The following MYO15A variants were observed in gnomAD, a reference collection of about 807,000 sequenced individuals.
MYO15A encodes unconventional myosin-XV.
MYO15A carries 308 observed loss-of-function variants against 394.6 expected under a neutral mutation model. The ratio of observed to expected loss-of-function variants is 0.78; its 90% CI spans 0.71 to 0.86. The LOEUF is 0.86. Ranked by LOEUF, MYO15A falls within the 40% of genes least tolerant of loss-of-function variation. The pLI, the probability that MYO15A is intolerant of heterozygous loss-of-function variation, is 0.00. For synonymous variants in MYO15A, 1,957 were observed against 2,003.8 expected (o/e 0.98, Z 0.62); for missense variants, 4,606 against 4,799.1 (o/e 0.96, Z 1.19).
At chr17:18,144,689 A>C in intron 29 of MYO15A, 97 bp downstream of exon 29, 1 of 1,146,228 alleles carries the variant, frequency 8.7e-7, no homozygotes, top group Non-Finnish European at 1.3e-6. Context: ...CCCAAGCCCA[A>C]CCCATGAGCC....
intron 65 of MYO15A, among the ~76,000 whole-genome samples, chr17:18,174,670 C>T (rs545274774): frequency 6.6e-6 from 1 of 152,174 alleles, no homozygotes; most frequent in Non-Finnish European, 1.5e-5. Flanking sequence ...CTCACACCCC[C>T]CTGGGGTCAG....
At chr17:18,160,157 G>T in intron 56 of MYO15A, 140 bp downstream of exon 56, 2 of 816,762 alleles carry the variant, frequency 2.4e-6, no homozygotes, top group Non-Finnish European at 4.1e-6. Context: ...AATAGAGCAC[G>T]TTTTTTGGAA....
chr17:18,153,637 G>T lies in MYO15A; in HGVS notation c.7967-138G>T. On this transcript the variant is annotated intron_variant, in intron 42 of 65. Coordinates refer to ENST00000647165, the MANE Select transcript of MYO15A (RefSeq NM_016239.4). The surrounding 1 kb of genome is among the most constrained non-coding windows in gnomAD (Gnocchi z 4.1). ...CGCTTGAACCCAGGAGGCGGAGCTTGCAGTGGGCCGAGATTGCGCCACTGC... is the reference window on the plus strand; with the variant it reads ...CGCTTGAACCCAGGAGGCGGAGCTTTCAGTGGGCCGAGATTGCGCCACTGC... The T allele has an allele frequency of 1.2e-6, 1 of 865,236 alleles. No individual in the cohort carries two copies. The highest frequency in any genetic ancestry group is 3.0e-5 in the South Asian group (1 of 33,084). The allele number at this position is 865,236 out of a possible 1,614,324, so 53.6% of individuals were successfully genotyped here. A position where few individuals can be genotyped will look rare whatever the true frequency, so the allele number is the denominator to read the frequency against.
chr17:18,155,527 A>G, intron 47 of MYO15A, 95 bp downstream of exon 47: 2 of 1,160,774 alleles, frequency 1.7e-6, no homozygotes, highest in Non-Finnish European at 1.3e-6. Context: ...CCAAGTACCC[A>G]TGATGCGCCA....
intron 28 of MYO15A, 96 bp downstream of exon 28, chr17:18,144,096 C>G: frequency 1.3e-6 from 2 of 1,568,408 alleles, no homozygotes; most frequent in South Asian, 2.3e-5. Context: ...CCTGGCTGTG[C>G]CCTGTGGTGT....
rs762564082 is a variant in MYO15A at position 18,142,811 on chromosome 17, G to A, written c.5881G>A (p.Ala1961Thr). ...SLVKFRSLVH[A>T]YVSRRRYLKL... ...GGTGAAGTTCCGGTCCCTGGTACACGCATACGTGAGCCGCCGACGCTATCT... is the reference window on the plus strand; with the variant it reads ...GGTGAAGTTCCGGTCCCTGGTACACACATACGTGAGCCGCCGACGCTATCT... Residue 1961 changes from alanine to threonine, a missense_variant, in exon 25 of 66, where the codon GCA (alanine) becomes ACA (threonine). Transcript: ENST00000647165. 5 of 1,613,266 alleles carry A rather than the reference G, an allele frequency of 3.1e-6. No homozygotes were observed. The highest frequency in any genetic ancestry group is 4.2e-6 in the Non-Finnish European group (5 of 1,179,812).
At position 18,121,039 on chromosome 17, in the gene MYO15A, G is replaced by T. The variant is rs1241967859; in HGVS notation, c.2239G>T (p.Gly747Cys). The change falls in exon 2 of 66, where the codon GGC becomes TGC. Residue 747 changes from glycine to cysteine, a missense_variant. Coordinates refer to ENST00000647165, the MANE Select transcript of MYO15A (RefSeq NM_016239.4). The surrounding 1 kb of genome is among the most constrained non-coding windows in gnomAD (Gnocchi z 5.3). The stretch of plus-strand genomic sequence containing the variant: ...CCCAGGGCCCCGACCCTCGTTCAGG[G>T]GCTCCCGCCGGAGAGGGGCGGCTTT... ...AFPGPRPSFR[G>C]SRRRGAAFGF... 7.3e-6 allele frequency: 11 copies of T among 1,509,326 alleles called. No individual in the cohort carries two copies. The highest frequency in any genetic ancestry group is 9.7e-6 in the Non-Finnish European group (11 of 1,133,648). The allele number at this position is 1,509,326 out of a possible 1,614,324, so 93.5% of individuals were successfully genotyped here.
intron 60 of MYO15A, among the ~76,000 whole-genome samples, chr17:18,165,630 G>T (rs535752641): frequency 6.6e-6 from 1 of 152,330 alleles, no homozygotes; most frequent in Admixed American, 6.5e-5. Flanking sequence ...CACATGTGCA[G>T]AGTGCCTTTT....
intron 19 of MYO15A, 137 bp downstream of exon 19, chr17:18,139,748 C>G: frequency 1.0e-6 from 1 of 999,084 alleles, no homozygotes. Context: ...ACAAGGGTGG[C>G]CTGGACACCC....
At position 18,122,324 on chromosome 17, in the gene MYO15A, A is replaced by T; in HGVS notation, c.3524A>T (p.Gln1175Leu). 1 of 1,612,858 alleles carries T rather than the reference A, an allele frequency of 6.2e-7. No individual in the cohort carries two copies. Among genetic ancestry groups the T allele is most frequent in the Non-Finnish European group, 8.5e-7 (1 of 1,179,954 alleles). ...TGGCCACGAGTACACACCCATCCCC[A>T]GTCCTGCCACCTGGGCCCTGGAGCT... Reference protein sequence around the residue: ...GPWPRVHTHPQSCHLGPGAAC... With the variant: ...GPWPRVHTHPLSCHLGPGAAC... Residue 1175 changes from glutamine to leucine, a missense_variant, in exon 2 of 66, where the codon CAG (glutamine) becomes CTG (leucine). This residue lies in a region of MYO15A where 1,830 missense variants were observed against 1,689.7 expected (regional missense o/e 1.08). Transcript: ENST00000647165.
chr17:18,133,245 A>T lies in MYO15A; in HGVS notation c.4341A>T (p.Ala1447=). The change falls in exon 12 of 66, where the codon GCA becomes GCT. Residue 1447 remains alanine, a synonymous_variant. Coordinates refer to ENST00000647165, the MANE Select transcript of MYO15A (RefSeq NM_016239.4). The part of the protein sequence containing the change: ...YLNQGGNCEI[A]GKSDADDFRR... ...TGCAGGGTGGGAACTGTGAGATAGC[A>T]GGAAAGAGCGATGCAGATGACTTTC... 1 of 1,614,166 alleles carries T rather than the reference A, an allele frequency of 6.2e-7. No homozygotes were observed. Among genetic ancestry groups the T allele is most frequent in the Non-Finnish European group, 8.5e-7 (1 of 1,180,020 alleles).
rs182028641 is a variant in MYO15A at position 18,148,195 on chromosome 17, G to A, written c.6676G>A (p.Val2226Met). ...TYEKASMALD[V>M]GCFNGDQFSC... ...TGAGAAGGCCAGCATGGCGCTGGAC[G>A]TGGGCTGCTTCAATGGTAAGCTGCC... Residue 2226 changes from valine to methionine, a missense_variant, in exon 31 of 66, where the codon GTG becomes ATG. Physicochemically the swap from Val to Met is conservative, Grantham distance 21. Transcript: ENST00000647165. The surrounding 1 kb of genome is among the most constrained non-coding windows in gnomAD (Gnocchi z 4.8). 6.2e-6 allele frequency: 10 copies of A among 1,613,714 alleles called. No homozygotes were observed. The Admixed American group carries it at 6.7e-5, about 11-fold the overall frequency.
At chr17:18,134,554 G>A (rs1432324874) in intron 12 of MYO15A, among the ~76,000 whole-genome samples, 1 of 152,070 alleles carries the variant, frequency 6.6e-6, no homozygotes, top group Non-Finnish European at 1.5e-5. Context: ...TTCCCAGGTG[G>A]TTACTCAATT....
At chr17:18,127,395 C>T (rs1012995163) in intron 7 of MYO15A, among the ~76,000 whole-genome samples, 5 of 152,164 alleles carry the variant, frequency 3.3e-5, no homozygotes, top group African/African-American at 9.7e-5. Context: ...GCTTCCAGCC[C>T]TCCGGGTCCA....
chr17:18,126,457 G>C lies in MYO15A; in HGVS notation c.3866+1G>C. Reference sequence around the variant, plus strand: ...GACGGGCCCTGGGAGAGAATCCCCCGTGAGTGTCTCGGGGGCGCTGCCCTG... The same window carrying C: ...GACGGGCCCTGGGAGAGAATCCCCCCTGAGTGTCTCGGGGGCGCTGCCCTG... On this transcript the variant is annotated splice_donor_variant, in intron 5 of 65. Coordinates refer to ENST00000647165, the MANE Select transcript of MYO15A (RefSeq NM_016239.4). LOFTEE classifies it high-confidence loss of function. 1 of 1,613,614 alleles carries C rather than the reference G, an allele frequency of 6.2e-7. No individual in the cohort carries two copies. Among genetic ancestry groups the C allele is most frequent in the Non-Finnish European group, 8.5e-7 (1 of 1,179,812 alleles).
rs372448192 is a variant in MYO15A at position 18,157,138 on chromosome 17, C to A, written c.8714-18C>A. On this transcript the variant is annotated intron_variant, in intron 49 of 65. Coordinates refer to ENST00000647165, the MANE Select transcript of MYO15A (RefSeq NM_016239.4). Reference sequence around the variant, plus strand: ...AGGGGGCCTCCCTGGCAGATGCTGACCCGAGCCTGGCCCATAGGCTACAGT... The same window carrying A: ...AGGGGGCCTCCCTGGCAGATGCTGAACCGAGCCTGGCCCATAGGCTACAGT... 6.2e-7 allele frequency: 1 copy of A among 1,610,716 alleles called. No homozygotes were observed. Among genetic ancestry groups the A allele is most frequent in the Non-Finnish European group, 8.5e-7 (1 of 1,178,476 alleles).
chr17:18,138,289 T>C, intron 17 of MYO15A, 43 bp downstream of exon 17: 1 of 1,601,932 alleles, frequency 6.2e-7, no homozygotes, highest in South Asian at 1.1e-5. Flanking sequence ...GTCACAGATC[T>C]CTCAGCCTCA....
intron 62 of MYO15A, among the ~76,000 whole-genome samples, chr17:18,168,578 AAAG>A (rs1043649663): frequency 6.2e-5 from 4 of 64,810 alleles, no homozygotes; most frequent in African/African-American, 1.9e-4. Context: ...AAAAAAAAAA[AAAG>A]AAAGAAAAGA....
chr17:18,148,910 T>C lies in MYO15A; in HGVS notation c.6914T>C (p.Val2305Ala). The C allele has an allele frequency of 1.2e-6, 2 of 1,606,768 alleles. No individual in the cohort carries two copies. The highest frequency in any genetic ancestry group is 1.7e-6 in the Non-Finnish European group (2 of 1,176,702). The change falls in exon 33 of 66, where the codon GTG (valine) becomes GCG (alanine). Residue 2305 changes from valine (V) to alanine (A), a missense_variant. By Grantham distance (64) the Val-to-Ala change is moderately conservative (BLOSUM62 0). Transcript: ENST00000647165. The surrounding 1 kb of genome is among the most constrained non-coding windows in gnomAD (Gnocchi z 4.8). Reference protein sequence around the residue: ...DFPRQKSYFIVGTEGPAASRG... With the variant: ...DFPRQKSYFIAGTEGPAASRG... Reference sequence around the variant, plus strand: ...CCTCGACAGAAGTCCTACTTCATTGTGGGCACAGAGGGGCCTGCAGCCAGC... The same window carrying C: ...CCTCGACAGAAGTCCTACTTCATTGCGGGCACAGAGGGGCCTGCAGCCAGC...
Sources: allele counts gnomAD v4.1 joint callset (sites outside exome capture counted in the v4.1 genomes callset), GRCh38; gene constraint gnomAD v4.1.1; regional missense constraint gnomAD v4.1.1; non-coding constraint Gnocchi (gnomAD v3.1); transcripts MANE v1.5; gene names NCBI Gene and HGNC (gene_info 2026-07-23, HGNC 2026-07-21).